ZNF215: variants seen among roughly 807,000 people sequenced by gnomAD.
ZNF215 encodes the protein zinc finger protein 215, also known as BWSCR2-associated zinc finger protein 2.
In ZNF215, 24 loss-of-function variants were observed where a neutral mutation model predicts 27.2. That is an observed-to-expected ratio of 0.88 (90% CI 0.64 to 1.24). The LOEUF (loss-of-function observed/expected upper bound fraction) is 1.24. Among genes scored for constraint, ZNF215 ranks in the 50% most tolerant of loss-of-function variants. The probability of loss-of-function intolerance (pLI) is 0.00; values close to 1 mark genes in which losing one functional copy is unlikely to be tolerated. For synonymous variants in ZNF215, 210 were observed against 204.0 expected (o/e 1.03, Z -0.25); for missense variants, 675 against 605.7 (o/e 1.11, Z -1.20).
intron 6 of ZNF215, 115 bp from the exon 7 acceptor site, chr11:6,955,575 T>C: frequency 2.6e-6 from 3 of 1,135,574 alleles, no homozygotes; most frequent in Non-Finnish European, 3.5e-6. Flanking sequence ...TTGCCTCACA[T>C]TTCCATTCTG....
intron 3 of ZNF215, among the ~76,000 whole-genome samples, chr11:6,937,162 C>T (rs1041879150): frequency 3.3e-5 from 5 of 151,910 alleles, no homozygotes; most frequent in African/African-American, 1.2e-4. Flanking sequence ...ATGTTATACT[C>T]TTATATATCC....
At chr11:6,950,087 T>C (rs1193433330) in intron 6 of ZNF215, among the ~76,000 whole-genome samples, 1 of 151,838 alleles carries the variant, frequency 6.6e-6, no homozygotes, top group Non-Finnish European at 1.5e-5. Flanking sequence ...GTTCCATTGA[T>C]CTATATCTCT....
At chr11:6,961,559 T>G (rs1382289112), downstream of ZNF215, among the ~76,000 whole-genome samples, 3 of 152,162 alleles carry the variant, frequency 2.0e-5, no homozygotes, top group African/African-American at 4.8e-5. Flanking sequence ...CACCAGGATA[T>G]GCATTTAATT....
intron 5 of ZNF215, among the ~76,000 whole-genome samples, chr11:6,979,439 A>T (rs931431759): frequency 2.6e-5 from 4 of 152,184 alleles, no homozygotes; most frequent in African/African-American, 9.6e-5. Flanking sequence ...CTCTATATGG[A>T]CACTGCGTTT....
downstream of ZNF215, among the ~76,000 whole-genome samples, chr11:6,990,137 G>C (rs999576823): frequency 2.0e-5 from 3 of 152,170 alleles, no homozygotes; most frequent in African/African-American, 7.2e-5. Flanking sequence ...CTCCTTGCAA[G>C]TCAACTTGTA....
At chr11:6,942,999 T>C in intron 4 of ZNF215, 84 bp from the exon 5 acceptor site, 3 of 1,537,202 alleles carry the variant, frequency 2.0e-6, no homozygotes, top group South Asian at 2.6e-5. Flanking sequence ...TTCTGGCTCC[T>C]ACCCTATTCC....
At chr11:6,948,923 A>G (rs1315460791) in intron 6 of ZNF215, among the ~76,000 whole-genome samples, 13 of 112,708 alleles carry the variant, frequency 1.2e-4, no homozygotes, top group African/African-American at 4.2e-4. Context: ...CAACAGTCCC[A>G]GAGTGTGATG....
downstream of ZNF215, among the ~76,000 whole-genome samples, chr11:6,959,918 C>T (rs1043215730): frequency 2.0e-5 from 3 of 151,970 alleles, no homozygotes; most frequent in Non-Finnish European, 4.4e-5. Flanking sequence ...TAAATTGTCA[C>T]TTCAAATTAG....
At chr11:6,985,078 T>C (rs928573296), downstream of ZNF215, among the ~76,000 whole-genome samples, 2 of 152,042 alleles carry the variant, frequency 1.3e-5, no homozygotes, top group African/African-American at 4.8e-5. Context: ...AGACCAAAAC[T>C]GGCAAAGACA....
chr11:6,954,262 C>A (rs2133286545), intron 6 of ZNF215, among the ~76,000 whole-genome samples: 1 of 152,348 alleles, frequency 6.6e-6, no homozygotes, highest in East Asian at 1.9e-4. Context: ...CCGCTCTCTT[C>A]AAAGCTGTCA....
chr11:6,927,920 A>G (rs776600087), intron 2 of ZNF215, 113 bp downstream of exon 2: 8 of 152,064 alleles, frequency 5.3e-5, no homozygotes, highest in Non-Finnish European at 1.0e-4. Context: ...GTTTAATTAT[A>G]TGTAAGGCTT....
chr11:6,949,201 A>G (rs202093220), intron 6 of ZNF215, among the ~76,000 whole-genome samples: 35,885 of 151,714 alleles, frequency 0.24, 4,607 homozygotes, highest in African/African-American at 0.33. Context: ...TAGTGCCTCA[A>G]TAAACATACG....
At chr11:6,979,760 C>G (rs1456015726) in intron 5 of ZNF215, among the ~76,000 whole-genome samples, 1 of 151,836 alleles carries the variant, frequency 6.6e-6, no homozygotes, top group African/African-American at 2.4e-5. Flanking sequence ...TATTAACAGA[C>G]TAAGTCAAAA....
At chr11:6,987,162 T>A (rs1203019221), downstream of ZNF215, among the ~76,000 whole-genome samples, 2 of 152,188 alleles carry the variant, frequency 1.3e-5, 1 homozygote, top group South Asian at 4.1e-4. Context: ...GAAAATGTGG[T>A]ACATATATTC....
chr11:6,955,458 C>G (rs2239732), intron 6 of ZNF215, among the ~76,000 whole-genome samples: 26,851 of 152,058 alleles, frequency 0.18, 2,562 homozygotes, highest in Middle Eastern at 0.23. Context: ...TACTCGAGCC[C>G]TATACCGTTT....
chr11:6,926,707 T>C (rs555827343), intron 1 of ZNF215, 22 bp downstream of exon 1: 1 of 152,366 alleles, frequency 6.6e-6, no homozygotes, highest in African/African-American at 2.4e-5. Context: ...AACGGGCCAC[T>C]GGAGAGGAGC....
intron 3 of ZNF215, among the ~76,000 whole-genome samples, chr11:6,936,404 A>G (rs1685271093): frequency 6.6e-6 from 1 of 152,094 alleles, no homozygotes; most frequent in African/African-American, 2.4e-5. Context: ...GAAATTCACA[A>G]ATTCCAAAAA....
intron 5 of ZNF215, 39 bp from the exon 6 acceptor site, chr11:6,943,507 G>A (rs1849701201): frequency 6.5e-7 from 1 of 1,539,374 alleles, no homozygotes. Context: ...TGTCATATAT[G>A]TTTGTTGTTG....
intron 5 of ZNF215, among the ~76,000 whole-genome samples, chr11:6,982,651 A>G (rs1240091199): frequency 1.8e-4 from 27 of 152,314 alleles, no homozygotes; most frequent in Middle Eastern, 3.4e-3. Flanking sequence ...TTGCTCCTGA[A>G]TGACTACTGG....
Sources: gnomAD v4.1 joint callset for allele counts (sites outside exome capture counted in the v4.1 genomes callset) on GRCh38, gnomAD v4.1.1 for gene constraint, MANE v1.5 for transcripts, NCBI Gene and HGNC (gene_info 2026-07-23, HGNC 2026-07-21) for gene names.